ROBO2: variants seen among roughly 807,000 people sequenced by gnomAD.
The protein encoded by ROBO2 is roundabout guidance receptor 2.
In ROBO2, 53 loss-of-function variants were observed where a neutral mutation model predicts 160.8. The observed-to-expected ratio is 0.33, with a 90% CI of 0.26 to 0.41. The LOEUF (loss-of-function observed/expected upper bound fraction) is 0.41, where lower values mean the gene tolerates loss of function less well. ROBO2 is among the 10% of genes least tolerant of loss of function. The probability of loss-of-function intolerance (pLI) is 1.00; values close to 1 mark genes in which losing one functional copy is unlikely to be tolerated. For missense variants in ROBO2, 1,577 were observed against 1,722.4 expected, an observed-to-expected ratio of 0.92 and a Z score of 1.49; for synonymous variants, 664 against 611.7, an observed-to-expected ratio of 1.09 and a Z score of -1.26.
At chr3:76,431,237 C>T (rs1577139132) in intron 2 of ROBO2, among the ~76,000 whole-genome samples, 1 of 149,764 alleles carries the variant, frequency 6.7e-6, no homozygotes, top group Non-Finnish European at 1.5e-5. Context: ...TATTTGTCAG[C>T]AAAAAAAATC....
chr3:76,780,635 T>G (rs2062582810), intron 2 of ROBO2, among the ~76,000 whole-genome samples: 1 of 150,744 alleles, frequency 6.6e-6, no homozygotes, highest in Non-Finnish European at 1.5e-5. Flanking sequence ...GGTTCAATTT[T>G]ACTTTTGTGC....
intron 2 of ROBO2, among the ~76,000 whole-genome samples, chr3:76,165,644 C>G (rs371542242): frequency 2.4e-4 from 36 of 152,084 alleles, no homozygotes; most frequent in African/African-American, 8.2e-4. Context: ...TGATTGCCTG[C>G]CTTACTGAGC....
intron 2 of ROBO2, among the ~76,000 whole-genome samples, chr3:77,337,212 C>G (rs1389447363): frequency 1.3e-5 from 2 of 152,106 alleles, no homozygotes; most frequent in Non-Finnish European, 2.9e-5. Flanking sequence ...ATTTGGAAGC[C>G]TTCAAATATC....
chr3:76,228,716 C>A (rs1329967079), intron 2 of ROBO2, among the ~76,000 whole-genome samples: 1 of 152,092 alleles, frequency 6.6e-6, no homozygotes, highest in Non-Finnish European at 1.5e-5. Flanking sequence ...CAAACCAAAC[C>A]AGTTTACTGA....
chr3:76,545,750 T>C (rs112546146), intron 2 of ROBO2, among the ~76,000 whole-genome samples: 13 of 152,116 alleles, frequency 8.5e-5, no homozygotes, highest in East Asian at 5.8e-4. Flanking sequence ...ATTTATCTTA[T>C]ACTTTGTCAA....
At chr3:76,856,859 G>A (rs2070153230) in intron 2 of ROBO2, among the ~76,000 whole-genome samples, 1 of 152,184 alleles carries the variant, frequency 6.6e-6, no homozygotes, top group Non-Finnish European at 1.5e-5. Flanking sequence ...GGGAGAGGCT[G>A]GGGTTTAGAA....
chr3:77,634,542 T>A (rs1559772642), intron 23 of ROBO2: 2 of 307,022 alleles, frequency 6.5e-6, no homozygotes, highest in Non-Finnish European at 1.3e-5. Flanking sequence ...TTTGCATATA[T>A]CTTTGACAAT....
At chr3:77,518,402 G>T (rs1477245399) in intron 5 of ROBO2, among the ~76,000 whole-genome samples, 1 of 151,512 alleles carries the variant, frequency 6.6e-6, no homozygotes, top group African/African-American at 2.4e-5. Context: ...CAAAGATTCA[G>T]CGAGAAATGA....
chr3:76,447,711 C>T (rs574567163), intron 2 of ROBO2, among the ~76,000 whole-genome samples: 25 of 151,186 alleles, frequency 1.7e-4, no homozygotes, highest in South Asian at 8.4e-4. Context: ...ACTATGCAGC[C>T]GTATAAAATG....
intron 2 of ROBO2, among the ~76,000 whole-genome samples, chr3:76,463,087 C>T (rs1343168985): frequency 1.3e-5 from 2 of 152,120 alleles, no homozygotes; most frequent in Non-Finnish European, 2.9e-5. Context: ...AATCTCCTAC[C>T]GTGGGAATAG....
Position 76,243,651 on chromosome 3 carries a change from C to G in ROBO2, c.109+306049C>G, listed in dbSNP as rs917249439. Among the ~76,000 whole-genome samples, 3 of 152,180 alleles carry G rather than the reference C, an allele frequency of 2.0e-5. No homozygotes were observed. The South Asian group carries it at 6.2e-4, about 31-fold the overall frequency. ...GAGAAGTAGCAGAAGACAGCACTTG[C>G]AGGCGTGATGCCTGCAGATAAGAAA... On this transcript the variant is annotated intron_variant, in intron 2 of 26. Coordinates refer to the ROBO2 transcript ENST00000487694.
chr3:77,545,433 C>G (rs1339029047), intron 6 of ROBO2, among the ~76,000 whole-genome samples: 1 of 152,046 alleles, frequency 6.6e-6, no homozygotes, highest in Non-Finnish European at 1.5e-5. Context: ...TTTACAACAC[C>G]AAGGGATTTC....
chr3:77,619,110 A>G (rs1011454145), intron 22 of ROBO2, among the ~76,000 whole-genome samples: 1 of 152,212 alleles, frequency 6.6e-6, no homozygotes, highest in Non-Finnish European at 1.5e-5. Context: ...GATCCAGATC[A>G]TGGGACAGCC....
intron 2 of ROBO2, among the ~76,000 whole-genome samples, chr3:76,985,939 C>G (rs1255964831): frequency 1.3e-5 from 2 of 152,150 alleles, no homozygotes; most frequent in African/African-American, 4.8e-5. Flanking sequence ...GTAACTTTTA[C>G]TTCCCCTTTC....
chr3:76,543,123 A>G (rs2082904741), intron 2 of ROBO2, among the ~76,000 whole-genome samples: 1 of 152,174 alleles, frequency 6.6e-6, no homozygotes, highest in East Asian at 1.9e-4. Flanking sequence ...TAATTCACAA[A>G]TCAAAATCTG....
chr3:76,884,721 A>G (rs1313541555), intron 2 of ROBO2, among the ~76,000 whole-genome samples: 1 of 152,122 alleles, frequency 6.6e-6, no homozygotes, highest in East Asian at 1.9e-4. Flanking sequence ...TTCCTATTAG[A>G]TTATATTTTA....
At chr3:77,522,775 G>T (rs1318378904) in exon 6 of ROBO2, 13 of 1,607,938 alleles carry the variant, frequency 8.1e-6, no homozygotes, top group Non-Finnish European at 1.1e-5. Context: ...TTCTACACAG[G>T]TATGACATCA....
At chr3:76,516,488 A>G (rs1159585506) in intron 2 of ROBO2, among the ~76,000 whole-genome samples, 2 of 152,164 alleles carry the variant, frequency 1.3e-5, no homozygotes, top group Non-Finnish European at 2.9e-5. Flanking sequence ...AAGAGGCAGT[A>G]GCAATAAAGA....
At chr3:76,395,419 A>G (rs1417430856) in intron 2 of ROBO2, among the ~76,000 whole-genome samples, 1 of 147,638 alleles carries the variant, frequency 6.8e-6, no homozygotes, top group Admixed American at 6.8e-5. Context: ...TAAAAGAACT[A>G]GAAAAGCAAG....
Sources: allele counts gnomAD v4.1 joint callset (sites outside exome capture counted in the v4.1 genomes callset), GRCh38; gene constraint gnomAD v4.1.1; transcripts MANE v1.5; gene names NCBI Gene and HGNC (gene_info 2026-07-23, HGNC 2026-07-21).